The following CTNNA3 variants were observed in gnomAD, a reference collection of about 807,000 sequenced individuals.
CTNNA3 encodes catenin alpha-3.
A neutral mutation model predicts 95.7 loss-of-function variants in CTNNA3; 76 were observed. That is an observed-to-expected ratio of 0.79 (90% CI 0.66 to 0.96). CTNNA3 has a LOEUF of 0.96. CTNNA3 is among the 40% of genes least tolerant of loss of function. The probability of loss-of-function intolerance (pLI) is 0.00; values close to 1 mark genes in which losing one functional copy is unlikely to be tolerated. For missense variants in CTNNA3, 1,191 were observed against 1,089.8 expected (o/e 1.09, Z -1.31); for synonymous variants, 431 against 374.4 (o/e 1.15, Z -1.74).
intron 7 of CTNNA3, among the ~76,000 whole-genome samples, chr10:66,797,254 A>G (rs1841238089): frequency 6.6e-6 from 1 of 151,978 alleles, no homozygotes; most frequent in Non-Finnish European, 1.5e-5. Context: ...ATTTAAATAC[A>G]TCAACTAACA....
intron 10 of CTNNA3, among the ~76,000 whole-genome samples, chr10:66,580,118 T>C (rs2132192849): frequency 6.6e-6 from 1 of 151,900 alleles, no homozygotes; most frequent in Middle Eastern, 3.4e-3. Flanking sequence ...CTCTGTCTCC[T>C]CTGTTCAGCT....
intron 7 of CTNNA3, among the ~76,000 whole-genome samples, chr10:66,980,668 G>A (rs532702464): frequency 9.2e-5 from 14 of 152,234 alleles, no homozygotes; most frequent in Admixed American, 7.8e-4. Context: ...ATAAAATTTT[G>A]TCACTTCAGT....
chr10:67,122,981 T>C (rs138256481), intron 7 of CTNNA3, among the ~76,000 whole-genome samples: 92 of 152,162 alleles, frequency 6.0e-4, no homozygotes, highest in African/African-American at 1.1e-3. Context: ...AGGAAAAAAA[T>C]AGGGCTGCAG....
intron 7 of CTNNA3, among the ~76,000 whole-genome samples, chr10:66,883,466 G>T (rs1222454705): frequency 1.3e-5 from 2 of 152,240 alleles, no homozygotes; most frequent in African/African-American, 4.8e-5. Flanking sequence ...AAAGCCTACA[G>T]TAATAATTAA....
chr10:66,564,515 GC>G (rs1196368029), intron 10 of CTNNA3, among the ~76,000 whole-genome samples: 1 of 152,128 alleles, frequency 6.6e-6, no homozygotes, highest in Non-Finnish European at 1.5e-5. Flanking sequence ...GGATTTGATT[GC>G]CCCATTGCTT....
At chr10:65,929,007 C>T (rs1670133) in intron 17 of CTNNA3, among the ~76,000 whole-genome samples, 20,437 of 150,318 alleles carry the variant, frequency 0.14, 1,826 homozygotes, top group South Asian at 0.21. Context: ...GGTATATCTC[C>T]AAATGCTATC....
chr10:66,307,623 T>C (rs1429638212), intron 12 of CTNNA3, among the ~76,000 whole-genome samples: 1 of 152,208 alleles, frequency 6.6e-6, no homozygotes, highest in Non-Finnish European at 1.5e-5. Context: ...AATTTTAATT[T>C]GATTTAGGAT....
At chr10:65,977,175 A>C (rs2078222566) in intron 16 of CTNNA3, among the ~76,000 whole-genome samples, 1 of 151,660 alleles carries the variant, frequency 6.6e-6, no homozygotes, top group Non-Finnish European at 1.5e-5. Context: ...CAGAACATCT[A>C]CTTAGTTCCT....
intron 9 of CTNNA3, among the ~76,000 whole-genome samples, chr10:66,759,789 G>C (rs987792993): frequency 4.6e-5 from 7 of 151,984 alleles, no homozygotes; most frequent in Admixed American, 2.0e-4. Context: ...TTAAGTCTTA[G>C]CATAAAAAGA....
intron 5 of CTNNA3, among the ~76,000 whole-genome samples, chr10:67,471,669 G>C (rs1438407335): frequency 1.3e-5 from 2 of 152,178 alleles, no homozygotes; most frequent in Admixed American, 6.5e-5. Context: ...TGGTACAAGA[G>C]GGGCAAAGTG....
intron 3 of CTNNA3, among the ~76,000 whole-genome samples, chr10:67,547,373 A>G (rs1034537617): frequency 6.6e-6 from 1 of 152,254 alleles, no homozygotes; most frequent in Non-Finnish European, 1.5e-5. Context: ...GTTATCAATT[A>G]TCACTTATAA....
intron 5 of CTNNA3, among the ~76,000 whole-genome samples, chr10:67,380,308 G>A (rs1367659411): frequency 6.6e-6 from 1 of 152,130 alleles, no homozygotes; most frequent in Non-Finnish European, 1.5e-5. Flanking sequence ...TCTGAAAAAA[G>A]AGAACATACT....
intron 7 of CTNNA3, among the ~76,000 whole-genome samples, chr10:67,060,816 G>T (rs541731936): frequency 6.6e-6 from 1 of 151,992 alleles, no homozygotes; most frequent in East Asian, 1.9e-4. Flanking sequence ...CAGTACAAAT[G>T]GTTGTGTACA....
chr10:67,550,741 A>C (rs1265054187), intron 3 of CTNNA3, among the ~76,000 whole-genome samples: 2 of 145,246 alleles, frequency 1.4e-5, no homozygotes, highest in Non-Finnish European at 2.9e-5. Flanking sequence ...AATAGGTGAA[A>C]GCCTTTAGTT....
chr10:66,517,545 A>G (rs1262739739), intron 11 of CTNNA3, among the ~76,000 whole-genome samples: 2 of 152,134 alleles, frequency 1.3e-5, no homozygotes, highest in Non-Finnish European at 1.5e-5. Context: ...TGCCATGGCA[A>G]CATCAGGAAG....
intron 9 of CTNNA3, among the ~76,000 whole-genome samples, chr10:66,756,900 T>C (rs747679034): frequency 6.6e-6 from 1 of 152,176 alleles, no homozygotes; most frequent in Non-Finnish European, 1.5e-5. Flanking sequence ...AGAGCAGAAA[T>C]TGCAAAACTA....
intron 9 of CTNNA3, among the ~76,000 whole-genome samples, chr10:66,685,731 G>A (rs1182771851): frequency 6.6e-6 from 1 of 151,880 alleles, no homozygotes; most frequent in Non-Finnish European, 1.5e-5. Flanking sequence ...AAATGACCAT[G>A]AACAATTTTT....
chr10:66,943,877 C>T lies in CTNNA3; in HGVS notation c.1048-168353G>A, dbSNP rs887211692. On this transcript the variant is annotated intron_variant, in intron 7 of 17. Coordinates refer to ENST00000433211, the MANE Select transcript of CTNNA3 (RefSeq NM_013266.4). The stretch of plus-strand genomic sequence containing the variant: ...AGCACTATGTCAAAGAAACAATGTG[C>T]TTATAATTTAAAAATACTTTATTGC... Among the ~76,000 whole-genome samples the T allele has an allele frequency of 3.5e-4, 54 of 152,116 alleles. 1 individual carries two copies. Among genetic ancestry groups the T allele is most frequent in the African/African-American group, 1.2e-3 (48 of 41,424 alleles).
At chr10:67,170,460 T>A (rs1415600233) in intron 7 of CTNNA3, among the ~76,000 whole-genome samples, 1 of 152,200 alleles carries the variant, frequency 6.6e-6, no homozygotes, top group Non-Finnish European at 1.5e-5. Flanking sequence ...AGATCGTGTC[T>A]TTTGTGGGAA....
Sources: gnomAD v4.1 joint callset for allele counts (sites outside exome capture counted in the v4.1 genomes callset) on GRCh38, gnomAD v4.1.1 for gene constraint, MANE v1.5 for transcripts, NCBI Gene and HGNC (gene_info 2026-07-23, HGNC 2026-07-21) for gene names.